FRMPD4: variants seen among roughly 807,000 people sequenced by gnomAD.
FRMPD4 encodes the protein FERM and PDZ domain-containing protein 4.
In FRMPD4, 22 loss-of-function variants were observed where a neutral mutation model predicts 94.1. The ratio of observed to expected loss-of-function variants is 0.23; its 90% CI spans 0.17 to 0.33. FRMPD4 has a LOEUF of 0.33. FRMPD4 is among the 10% of genes least tolerant of loss of function. The pLI is 1.00. For synonymous variants in FRMPD4, 631 were observed against 548.6 expected (o/e 1.15, Z -2.10); for missense variants, 1,111 against 1,339.9 (o/e 0.83, Z 2.67).
Position 12,629,937 on chromosome X carries a change from A to G in FRMPD4, c.422+15056A>G, listed in dbSNP as rs182214498. On this transcript the variant is annotated intron_variant, in intron 4 of 16. Coordinates refer to ENST00000675598, the MANE Select transcript of FRMPD4 (RefSeq NM_001368397.1). ...ATCTGGGTGGAAATTCAAGACTTTC[A>G]GGATGAAGATAACTTGAAAAGCAGT... is the stretch of plus-strand genomic sequence containing the variant. Among the ~76,000 whole-genome samples the G allele has an allele frequency of 5.3e-5, 6 of 112,665 alleles. No homozygotes were observed. The East Asian group carries it at 1.1e-3, about 21-fold the overall frequency.
intron 7 of FRMPD4, among the ~76,000 whole-genome samples, chrX:12,687,306 A>C (rs1270225297): frequency 8.9e-6 from 1 of 112,225 alleles, no homozygotes; most frequent in Non-Finnish European, 1.9e-5. Flanking sequence ...TTCATACAAG[A>C]CTTCTAATTT....
At chrX:12,048,227 A>G (rs1327542408) in intron 3 of FRMPD4, among the ~76,000 whole-genome samples, 2 of 111,820 alleles carry the variant, frequency 1.8e-5, no homozygotes, top group African/African-American at 3.2e-5. Context: ...ATTGTGGTTT[A>G]GGTTTTCATT....
chrX:11,970,455 A>G (rs2054334150), intron 3 of FRMPD4, among the ~76,000 whole-genome samples: 1 of 112,201 alleles, frequency 8.9e-6, no homozygotes, highest in South Asian at 3.7e-4. Flanking sequence ...GCAAATACAC[A>G]ATCACACTGA....
intron 4 of FRMPD4, among the ~76,000 whole-genome samples, chrX:12,650,386 T>G (rs1007388742): frequency 1.8e-5 from 2 of 111,867 alleles, no homozygotes; most frequent in Non-Finnish European, 3.8e-5. Context: ...GGCAGGGATT[T>G]TTTTCTGTTT....
At chrX:12,191,635 AATGTGAGAAGGCTAT>A (rs2056493214) in intron 1 of FRMPD4, among the ~76,000 whole-genome samples, 1 of 107,918 alleles carries the variant, frequency 9.3e-6, no homozygotes, top group Non-Finnish European at 1.9e-5. Context: ...GAAATAAGCC[AATGTGAGAAGGCTAT>A]AATACTGTGT....
Position 12,243,790 on chromosome X carries a change from C to CTTTTT in FRMPD4, c.41+104808_41+104812dup, listed in dbSNP as rs148889684. ...CAGAAACAGTTGTCCATCTAAAGGG[C>CTTTTT]TTTTTTTTTTTTTTTTTTTTTTTTT... On this transcript the variant is annotated intron_variant, in intron 1 of 16. Coordinates refer to ENST00000675598, the MANE Select transcript of FRMPD4 (RefSeq NM_001368397.1). 1.9e-3 allele frequency among the ~76,000 whole-genome samples: 43 copies of CTTTTT among 22,936 alleles called. 3 individuals carry two copies. Among genetic ancestry groups the CTTTTT allele is most frequent in the Non-Finnish European group, 2.7e-3 (39 of 14,401 alleles). 19.9% of individuals were successfully genotyped at this position (22,936 alleles called of 115,157 possible).
chrX:12,405,196 A>G (rs1287684945), intron 1 of FRMPD4, among the ~76,000 whole-genome samples: 1 of 111,297 alleles, frequency 9.0e-6, no homozygotes, highest in Non-Finnish European at 1.9e-5. Context: ...TCTGGAGGCA[A>G]AGAGTTCATA....
chrX:12,211,314 TC>T (rs1244837638), intron 1 of FRMPD4, among the ~76,000 whole-genome samples: 1 of 112,104 alleles, frequency 8.9e-6, no homozygotes, highest in African/African-American at 3.2e-5. Context: ...GTCTCCTGAT[TC>T]CCCGGATTTA....
At chrX:12,217,044 AGT>A (rs757522087) in intron 1 of FRMPD4, among the ~76,000 whole-genome samples, 1 of 112,125 alleles carries the variant, frequency 8.9e-6, no homozygotes, top group East Asian at 2.8e-4. Context: ...CAATGTGAAA[AGT>A]GTTTGTGAAA....
intron 3 of FRMPD4, among the ~76,000 whole-genome samples, chrX:11,910,126 T>A (rs1028477311): frequency 9.0e-6 from 1 of 111,597 alleles, no homozygotes; most frequent in African/African-American, 3.3e-5. Context: ...CAACTATAAT[T>A]TTTGATTTGT....
intron 1 of FRMPD4, among the ~76,000 whole-genome samples, chrX:12,498,286 G>A (rs1181144273): frequency 9.0e-6 from 1 of 111,696 alleles, no homozygotes; most frequent in Non-Finnish European, 1.9e-5. Flanking sequence ...GGGCATACAT[G>A]AGGGCAAGGA....
At chrX:12,357,519 C>A (rs774934705) in intron 1 of FRMPD4, among the ~76,000 whole-genome samples, 1 of 112,142 alleles carries the variant, frequency 8.9e-6, no homozygotes, top group African/African-American at 3.2e-5. Flanking sequence ...TCCATGACAA[C>A]AAGACCTGGC....
At chrX:12,190,272 A>G (rs960796836) in intron 1 of FRMPD4, among the ~76,000 whole-genome samples, 2 of 111,613 alleles carry the variant, frequency 1.8e-5, no homozygotes, top group Non-Finnish European at 3.8e-5. Flanking sequence ...TTGTCAAGAT[A>G]TCAGTTCTTT....
At chrX:12,695,370 T>A (rs746809745) in intron 9 of FRMPD4, among the ~76,000 whole-genome samples, 52 of 110,383 alleles carry the variant, frequency 4.7e-4, no homozygotes, top group Non-Finnish European at 8.1e-4. Flanking sequence ...TAAAAAGTAA[T>A]TTGTGGAGAG....
Position 12,594,250 on chromosome X carries a change from A to G in FRMPD4, c.159-15471A>G, listed in dbSNP as rs142973407. Among the ~76,000 whole-genome samples the G allele has an allele frequency of 5.7e-3, 635 of 111,170 alleles. 5 individuals carry two copies. Among genetic ancestry groups the G allele is most frequent in the African/African-American group, 0.02 (598 of 30,607 alleles). On this transcript the variant is annotated intron_variant, in intron 2 of 16. Transcript: ENST00000675598. The stretch of plus-strand genomic sequence containing the variant: ...AGCTTCTGGGTTTCACATTATGCTT[A>G]GAAATGTCCTTCCTACTCCTAGACT...
At chrX:12,075,468 T>C (rs955911291) in intron 3 of FRMPD4, among the ~76,000 whole-genome samples, 1 of 112,106 alleles carries the variant, frequency 8.9e-6, no homozygotes, top group Non-Finnish European at 1.9e-5. Flanking sequence ...ATAATAAAAG[T>C]ATATTCATTT....
chrX:11,962,230 G>C (rs1024600605), intron 3 of FRMPD4, among the ~76,000 whole-genome samples: 2 of 112,104 alleles, frequency 1.8e-5, no homozygotes, highest in Admixed American at 9.5e-5. Flanking sequence ...CCAGTCTAAA[G>C]TATTTGGTGT....
chrX:12,062,328 T>C (rs1337207845), intron 3 of FRMPD4, among the ~76,000 whole-genome samples: 1 of 112,257 alleles, frequency 8.9e-6, no homozygotes, highest in African/African-American at 3.2e-5. Flanking sequence ...AATTTAACCA[T>C]TAATATAGAT....
At chrX:12,010,090 A>T (rs1453045059) in intron 3 of FRMPD4, among the ~76,000 whole-genome samples, 2 of 111,463 alleles carry the variant, frequency 1.8e-5, no homozygotes, top group Admixed American at 1.9e-4. Flanking sequence ...AGAGAGACCG[A>T]ATGAGGTATA....
Sources: allele counts gnomAD v4.1 joint callset (sites outside exome capture counted in the v4.1 genomes callset), GRCh38; gene constraint gnomAD v4.1.1; transcripts MANE v1.5; gene names NCBI Gene and HGNC (gene_info 2026-07-23, HGNC 2026-07-21).